The following PHF12 variants were observed in gnomAD, a reference collection of about 807,000 sequenced individuals.
The protein encoded by PHF12 is PHD factor 1.
Under a neutral mutation model 99.8 loss-of-function variants are expected in PHF12, and 6 were observed. That is an observed-to-expected ratio of 0.06 (90% confidence interval 0.03 to 0.12). The LOEUF (loss-of-function observed/expected upper bound fraction) is 0.12. Ranked by LOEUF, PHF12 falls within the 10% of genes least tolerant of loss-of-function variation. The pLI is 1.00. For missense variants in PHF12, 954 were observed against 1,300.1 expected, an observed-to-expected ratio of 0.73 and a Z score of 4.09; for synonymous variants, 480 against 514.9, an observed-to-expected ratio of 0.93 and a Z score of 0.92.
chr17:28,940,497 C>G (rs1248282114), intron 2 of PHF12, among the ~76,000 whole-genome samples: 1 of 152,210 alleles, frequency 6.6e-6, no homozygotes, highest in Non-Finnish European at 1.5e-5. Context: ...CACAACAGCT[C>G]TATGTAGTAG....
At chr17:28,914,074 A>AT in intron 7 of PHF12, 37 bp from the exon 8 acceptor site, 1 of 1,562,614 alleles carries the variant, frequency 6.4e-7, no homozygotes, top group Non-Finnish European at 8.8e-7. Context: ...GGAGAGGGAG[A>AT]TAGTTCCAAC....
chr17:28,945,581 A>G (rs2040706984), intron 2 of PHF12, among the ~76,000 whole-genome samples: 1 of 152,202 alleles, frequency 6.6e-6, no homozygotes, highest in African/African-American at 2.4e-5. Flanking sequence ...TGTTTGGAGC[A>G]AAATGCCATA....
intron 2 of PHF12, among the ~76,000 whole-genome samples, chr17:28,930,135 A>G (rs1383596589): frequency 6.6e-6 from 1 of 152,010 alleles, no homozygotes; most frequent in Non-Finnish European, 1.5e-5. Flanking sequence ...CACAGACCAT[A>G]CTGTTTCTCA....
At chr17:28,946,773 G>A (rs1230165945) in intron 2 of PHF12, among the ~76,000 whole-genome samples, 1 of 152,046 alleles carries the variant, frequency 6.6e-6, no homozygotes, top group Non-Finnish European at 1.5e-5. Context: ...CCTGGCCTCA[G>A]GCGATCCTCC....
intron 2 of PHF12, among the ~76,000 whole-genome samples, chr17:28,931,912 T>C (rs764426135): frequency 1.3e-5 from 2 of 152,048 alleles, no homozygotes; most frequent in Non-Finnish European, 2.9e-5. Context: ...GGACAGAACA[T>C]GCATCTTGAA....
rs1215244967 is a variant in PHF12 at position 28,912,980 on chromosome 17, T to C, written c.1591A>G (p.Lys531Glu). The change falls in exon 9 of 15, where the codon AAA (lysine) becomes GAA (glutamate). Residue 531 changes from lysine to glutamate, a missense_variant. This residue lies in a region of PHF12 where 392 missense variants were observed against 423.1 expected (regional missense o/e 0.93). Coordinates refer to ENST00000332830, the MANE Select transcript of PHF12 (RefSeq NM_001033561.2). ...CCATTGGCAGTCCCACAAGGGGTTT[T>C]CTTGGATTTTTCCGCACAAGAACTG... ...GCSSCAEKSK[K>E]TPCGTANGPV... is the part of the protein sequence containing the mutation. The C allele has an allele frequency of 1.9e-6, 3 of 1,614,210 alleles. No homozygotes were observed. The highest frequency in any genetic ancestry group is 1.1e-5 in the South Asian group (1 of 91,090).
At chr17:28,907,918 AG>A in intron 12 of PHF12, 1 of 391,476 alleles carries the variant, frequency 2.6e-6, no homozygotes, top group Non-Finnish European at 4.8e-6. Flanking sequence ...GCTACCCAGA[AG>A]GGAAGAGTGA....
Position 28,912,475 on chromosome 17 carries a change from C to T in PHF12, c.2089+7G>A. Reference sequence around the variant, plus strand: ...TCCAAATCAACCCAAGGCTGAGCAGCACTCACCTGACGATGGCGCTGGTGA... The same window carrying T: ...TCCAAATCAACCCAAGGCTGAGCAGTACTCACCTGACGATGGCGCTGGTGA... On this transcript the variant is annotated splice_region_variant and intron_variant, in intron 9 of 14. Coordinates refer to ENST00000332830, the MANE Select transcript of PHF12 (RefSeq NM_001033561.2). 3.2e-6 allele frequency: 5 copies of T among 1,584,744 alleles called. No individual in the cohort carries two copies. The highest frequency in any genetic ancestry group is 3.4e-4 in the Middle Eastern group (2 of 5,922).
chr17:28,950,555 G>C lies in PHF12; in HGVS notation c.67-309C>G, dbSNP rs2040792473. The stretch of plus-strand genomic sequence containing the variant: ...GGACAGTGGGGGACTCCAAAGACCC[G>C]CTCGGGAGAGGCCCAAAGCCCGGTA... On this transcript the variant is annotated intron_variant, in intron 1 of 14. Transcript: ENST00000332830. The surrounding 1 kb of genome is among the most constrained non-coding windows in gnomAD (Gnocchi z 5.7). 2 of 513,404 alleles carry C rather than the reference G, an allele frequency of 3.9e-6. No homozygotes were observed. The highest frequency in any genetic ancestry group is 2.7e-5 in the South Asian group (1 of 36,624). 31.8% of individuals were successfully genotyped at this position (513,404 alleles called of 1,614,324 possible). A position where few individuals can be genotyped will look rare whatever the true frequency, so the allele number is the denominator to read the frequency against.
Position 28,951,329 on chromosome 17 carries a change from AG to A in PHF12, c.-370del, listed in dbSNP as rs917302327. The A allele has an allele frequency of 1.1e-5, 11 of 1,022,464 alleles. No individual in the cohort carries two copies. In the South Asian group the frequency reaches 1.6e-4, roughly 15 times the overall value. The allele number at this position is 1,022,464 out of a possible 1,614,324, so 63.3% of individuals were successfully genotyped here. A position where few individuals can be genotyped will look rare whatever the true frequency, so the allele number is the denominator to read the frequency against. Reference sequence around the variant, plus strand: ...GCCATCCCGGGGCTGGGGGTATCGGAGGGGGGGTGAGAGGTTACGTGAGGTT... The same window carrying A: ...GCCATCCCGGGGCTGGGGGTATCGGAGGGGGGTGAGAGGTTACGTGAGGTT... On this transcript the variant is annotated 5_prime_UTR_variant, in exon 1 of 15. Coordinates refer to ENST00000332830, the MANE Select transcript of PHF12 (RefSeq NM_001033561.2).
At chr17:28,946,431 G>C (rs2040723772) in intron 2 of PHF12, among the ~76,000 whole-genome samples, 1 of 152,094 alleles carries the variant, frequency 6.6e-6, no homozygotes. Flanking sequence ...CCTGAGAAAA[G>C]ACAACAATTA....
chr17:28,949,916 G>GCCAGAACCC lies in PHF12; in HGVS notation c.248+148_248+149insGGGTTCTGG. 1.1e-6 allele frequency: 1 copy of GCCAGAACCC among 882,084 alleles called. No homozygotes were observed. Among genetic ancestry groups the GCCAGAACCC allele is most frequent in the Non-Finnish European group, 1.7e-6 (1 of 591,876 alleles). 54.6% of individuals were successfully genotyped at this position (882,084 alleles called of 1,614,324 possible). On this transcript the variant is annotated intron_variant, in intron 2 of 14. Transcript: ENST00000332830. The surrounding 1 kb of genome is among the most constrained non-coding windows in gnomAD (Gnocchi z 4.6). The stretch of plus-strand genomic sequence containing the variant: ...AACTGCCAGAACCCGGCGGACACCT[G>GCCAGAACCC]GGGGCGGGGAGGTGCTCGCCCCGGC...
intron 2 of PHF12, among the ~76,000 whole-genome samples, chr17:28,939,123 C>T (rs2152676149): frequency 6.6e-6 from 1 of 152,336 alleles, no homozygotes; most frequent in South Asian, 2.1e-4. Context: ...AGTCAGATGC[C>T]TGATATCACA....
chr17:28,950,339 TCCC>T lies in PHF12; in HGVS notation c.67-96_67-94del. On this transcript the variant is annotated intron_variant, in intron 1 of 14. Coordinates refer to ENST00000332830, the MANE Select transcript of PHF12 (RefSeq NM_001033561.2). This position sits in a 1 kb window ranked among gnomAD's most constrained non-coding sequence, Gnocchi z 5.7. ...GCGGTTTCTCCGTCACCCACCCCTC[TCCC>T]CCCTTTTGTCCTTCTTCCTCCCATC... 2 of 1,323,916 alleles carry T rather than the reference TCCC, an allele frequency of 1.5e-6. No individual in the cohort carries two copies. The highest frequency in any genetic ancestry group is 2.0e-6 in the Non-Finnish European group (2 of 983,304). The allele number at this position is 1,323,916 out of a possible 1,614,324, so 82.0% of individuals were successfully genotyped here.
intron 2 of PHF12, among the ~76,000 whole-genome samples, chr17:28,947,026 T>C (rs2040733508): frequency 6.6e-6 from 1 of 152,054 alleles, no homozygotes; most frequent in Non-Finnish European, 1.5e-5. Context: ...CTCTGTCACC[T>C]AGGCTGGGGT....
At chr17:28,936,869 G>T (rs2040519844) in intron 2 of PHF12, among the ~76,000 whole-genome samples, 1 of 151,906 alleles carries the variant, frequency 6.6e-6, no homozygotes, top group Non-Finnish European at 1.5e-5. Flanking sequence ...AAGACAAACT[G>T]CAAAACATAA....
Position 28,912,804 on chromosome 17 carries a change from C to A in PHF12, c.1767G>T (p.Ala589=). The change falls in exon 9 of 15, where the codon GCG becomes GCT. Residue 589 remains alanine (A), a synonymous_variant. Coordinates refer to ENST00000332830, the MANE Select transcript of PHF12 (RefSeq NM_001033561.2). ...QGWPRPLTPP[A]AGGLQNHTVG... is the part of the protein sequence containing the mutation. ...CGGTGTGGTTCTGAAGGCCCCCAGC[C>A]GCTGGTGGCGTGAGGGGCCGGGGCC... The A allele has an allele frequency of 6.2e-7, 1 of 1,608,786 alleles. No individual in the cohort carries two copies. The highest frequency in any genetic ancestry group is 8.5e-7 in the Non-Finnish European group (1 of 1,176,518).
chr17:28,943,615 G>A (rs2040663247), intron 2 of PHF12, among the ~76,000 whole-genome samples: 1 of 151,842 alleles, frequency 6.6e-6, no homozygotes, highest in Non-Finnish European at 1.5e-5. Flanking sequence ...AGGCAACGAA[G>A]CTAGACTCTG....
chr17:28,945,357 G>GT (rs2040702269), intron 2 of PHF12: 2 of 152,210 alleles, frequency 1.3e-5, no homozygotes, highest in South Asian at 4.1e-4. Flanking sequence ...GCTGAGCTTA[G>GT]TTTTGCCTGT....
Sources: allele counts gnomAD v4.1 joint callset (sites outside exome capture counted in the v4.1 genomes callset), GRCh38; gene constraint gnomAD v4.1.1; regional missense constraint gnomAD v4.1.1; non-coding constraint Gnocchi (gnomAD v3.1); transcripts MANE v1.5; gene names NCBI Gene and HGNC (gene_info 2026-07-23, HGNC 2026-07-21).